FBXO11: variants seen among roughly 807,000 people sequenced by gnomAD.
The protein encoded by FBXO11 is F-box only protein 11.
Under a neutral mutation model 117.0 loss-of-function variants are expected in FBXO11, and 13 were observed. The observed-to-expected ratio is 0.11, with a 90% CI of 0.07 to 0.18. The LOEUF is 0.18. Among genes scored for constraint, FBXO11 ranks in the 10% least tolerant of loss-of-function variants. The pLI, the probability that FBXO11 is intolerant of heterozygous loss-of-function variation, is 1.00. For missense variants in FBXO11, 767 were observed against 1,164.4 expected, an observed-to-expected ratio of 0.66 and a Z score of 4.97; for synonymous variants, 490 against 380.5, an observed-to-expected ratio of 1.29 and a Z score of -3.35.
intron 1 of FBXO11, 72 bp from the exon 2 acceptor site, chr2:47,839,841 C>G (rs1558431303): frequency 1.4e-6 from 2 of 1,414,832 alleles, no homozygotes; most frequent in African/African-American, 1.5e-5. Context: ...AGAAAACTTT[C>G]TTAAAACTTC....
rs1347479910 is a variant in FBXO11, at chr2:47,819,097, G to A, written c.1798-19C>T. ...TTTCATGCTAAATGAAAGTTACACT[G>A]GTTATAATATTTATCTTCTATAAGC... On this transcript the variant is annotated intron_variant, in intron 14 of 22. Coordinates refer to ENST00000403359, the MANE Select transcript of FBXO11 (RefSeq NM_001190274.2). 1.9e-6 allele frequency: 3 copies of A among 1,608,954 alleles called. No homozygotes were observed. Among genetic ancestry groups the A allele is most frequent in the Non-Finnish European group, 1.7e-6 (2 of 1,177,346 alleles).
At chr2:47,819,944 G>C (rs911388246) in intron 14 of FBXO11, among the ~76,000 whole-genome samples, 2 of 152,070 alleles carry the variant, frequency 1.3e-5, no homozygotes, top group African/African-American at 4.8e-5. Context: ...TCAAAATTTT[G>C]AAAGTTATTA....
At chr2:47,881,911 C>G (rs1236967044) in intron 1 of FBXO11, among the ~76,000 whole-genome samples, 2 of 152,110 alleles carry the variant, frequency 1.3e-5, no homozygotes, top group Non-Finnish European at 2.9e-5. Flanking sequence ...CCATGCCCAG[C>G]TAATTTTTAT....
rs866895202 is a variant in FBXO11, at chr2:47,902,933, C to A, written c.232+2556G>T. The stretch of plus-strand genomic sequence containing the variant: ...TAGTAAAAGGTTAAAAAAAAAAAAA[C>A]AAAAACCACACATACATTCTTAGCT... On this transcript the variant is annotated intron_variant, in intron 1 of 22. Transcript: ENST00000403359. Among the ~76,000 whole-genome samples the A allele has an allele frequency of 3.4e-3, 499 of 147,064 alleles. 2 individuals carry two copies. The highest frequency in any genetic ancestry group is 8.1e-3 in the African/African-American group (327 of 40,152).
chr2:47,819,233 T>C (rs767815047), intron 14 of FBXO11, among the ~76,000 whole-genome samples, 155 bp from the exon 15 acceptor site: 1 of 152,240 alleles, frequency 6.6e-6, no homozygotes, highest in Non-Finnish European at 1.5e-5. Flanking sequence ...TTGTTTTGTT[T>C]TGAAATGGAG....
chr2:47,891,322 ACT>A (rs1275341339), intron 1 of FBXO11, among the ~76,000 whole-genome samples: 1 of 151,356 alleles, frequency 6.6e-6, no homozygotes, highest in Non-Finnish European at 1.5e-5. Flanking sequence ...CCACGATTCC[ACT>A]CTTTGATTCT....
At chr2:47,828,932 GAC>G (rs1671972642) in intron 11 of FBXO11, among the ~76,000 whole-genome samples, 1 of 151,606 alleles carries the variant, frequency 6.6e-6, no homozygotes, top group Admixed American at 6.6e-5. Context: ...TTATTTTTTT[GAC>G]AGAGTCTCAC....
chr2:47,883,244 C>CA (rs1382070734), intron 1 of FBXO11, among the ~76,000 whole-genome samples: 1 of 152,158 alleles, frequency 6.6e-6, no homozygotes, highest in African/African-American at 2.4e-5. Flanking sequence ...TTTCCTGAAG[C>CA]AGCTATTTAC....
chr2:47,844,442 AT>A (rs1425641653), intron 1 of FBXO11, among the ~76,000 whole-genome samples: 1 of 152,172 alleles, frequency 6.6e-6, no homozygotes, highest in Non-Finnish European at 1.5e-5. Flanking sequence ...CATATATCCT[AT>A]CCCCATATGT....
chr2:47,834,935 G>T (rs749052286), intron 5 of FBXO11, 64 bp from the exon 6 acceptor site: 4 of 1,140,998 alleles, frequency 3.5e-6, no homozygotes, highest in Non-Finnish European at 5.1e-6. Context: ...TTAAATTAAT[G>T]TACAATTGCA....
chr2:47,853,434 C>A (rs1674033427), intron 1 of FBXO11, among the ~76,000 whole-genome samples: 1 of 151,916 alleles, frequency 6.6e-6, no homozygotes, highest in Non-Finnish European at 1.5e-5. Context: ...TATAAAAATA[C>A]CAAAATATTA....
intron 1 of FBXO11, among the ~76,000 whole-genome samples, chr2:47,856,072 T>C (rs1674271565): frequency 1.3e-5 from 2 of 152,138 alleles, no homozygotes; most frequent in African/African-American, 4.8e-5. Context: ...CATTACATTA[T>C]GCACTCCAAG....
chr2:47,893,715 T>C (rs1677440803), intron 1 of FBXO11, among the ~76,000 whole-genome samples: 1 of 152,350 alleles, frequency 6.6e-6, no homozygotes, highest in African/African-American at 2.4e-5. Flanking sequence ...TACAGAATTT[T>C]AGAGCATCTC....
intron 1 of FBXO11, among the ~76,000 whole-genome samples, chr2:47,852,824 T>G (rs1164707332): frequency 6.6e-6 from 1 of 152,190 alleles, no homozygotes; most frequent in African/African-American, 2.4e-5. Context: ...GGACATATTA[T>G]TATTCCTATG....
At chr2:47,897,324 T>G (rs941854299) in intron 1 of FBXO11, among the ~76,000 whole-genome samples, 1 of 152,200 alleles carries the variant, frequency 6.6e-6, no homozygotes, top group Non-Finnish European at 1.5e-5. Flanking sequence ...CTGATTCAAG[T>G]CAGTTGGTTA....
At chr2:47,866,726 C>A (rs1369956318) in intron 1 of FBXO11, among the ~76,000 whole-genome samples, 1 of 152,132 alleles carries the variant, frequency 6.6e-6, no homozygotes, top group African/African-American at 2.4e-5. Flanking sequence ...CCCACCTCGG[C>A]CTCCCAAAGT....
chr2:47,877,976 C>G (rs988894215), intron 1 of FBXO11, among the ~76,000 whole-genome samples: 2 of 152,104 alleles, frequency 1.3e-5, no homozygotes, highest in African/African-American at 2.4e-5. Flanking sequence ...AGCCACCGTG[C>G]CTGGCCCAGA....
intron 1 of FBXO11, among the ~76,000 whole-genome samples, chr2:47,847,417 A>G (rs1243733951): frequency 6.6e-6 from 1 of 152,174 alleles, no homozygotes; most frequent in Non-Finnish European, 1.5e-5. Context: ...CAGTAAAAAT[A>G]TAGTATCATG....
intron 11 of FBXO11, among the ~76,000 whole-genome samples, chr2:47,827,222 T>C (rs891201232): frequency 2.6e-5 from 4 of 152,216 alleles, no homozygotes; most frequent in African/African-American, 7.2e-5. Flanking sequence ...ATGACAAAGA[T>C]TGATTGACTT....
Sources: allele counts gnomAD v4.1 joint callset (sites outside exome capture counted in the v4.1 genomes callset), GRCh38; gene constraint gnomAD v4.1.1; transcripts MANE v1.5; gene names NCBI Gene and HGNC (gene_info 2026-07-23, HGNC 2026-07-21).